ZNF185: variants seen among roughly 807,000 people sequenced by gnomAD.
ZNF185 encodes the protein zinc finger protein 185 with LIM domain, also known as zinc finger protein 185.
A neutral mutation model predicts 58.6 loss-of-function variants in ZNF185; 56 were observed. That is an observed-to-expected ratio of 0.95 (90% CI 0.77 to 1.19). ZNF185 has a LOEUF of 1.19. ZNF185 is among the 50% of genes most tolerant of loss of function. ZNF185 has a pLI of 0.00. For synonymous variants in ZNF185, 230 were observed against 215.9 expected (o/e 1.07, Z -0.57); for missense variants, 627 against 573.5 (o/e 1.09, Z -0.95).
intron 6 of ZNF185, 34 bp downstream of exon 7, chrX:152,918,188 C>G: frequency 8.6e-7 from 1 of 1,167,910 alleles, no homozygotes; most frequent in Non-Finnish European, 1.1e-6. Flanking sequence ...GCGTGGTTCC[C>G]TCCTCCAAGG....
upstream of ZNF185, chrX:152,914,441 C>T (rs1426865990): frequency 9.9e-6 from 11 of 1,116,266 alleles, no homozygotes; most frequent in Non-Finnish European, 1.3e-5. Context: ...ACCTTTATCC[C>T]CAGAAGCCCT....
At chrX:152,966,047 G>C in intron 19 of ZNF185, among the ~76,000 whole-genome samples, 1 of 109,205 alleles carries the variant, frequency 9.2e-6, no homozygotes, top group Non-Finnish European at 1.9e-5. Flanking sequence ...TTGCTCTGTT[G>C]CCCAGGCTGG....
chrX:152,959,110 A>G (rs1415461614), intron 16 of ZNF185, among the ~76,000 whole-genome samples: 1 of 112,723 alleles, frequency 8.9e-6, no homozygotes, highest in African/African-American at 3.2e-5. Context: ...GGTTCTCATA[A>G]TGGCCCCGCC....
intron 14 of ZNF185, 118 bp from the exon 16 acceptor site, chrX:152,936,300 A>G: frequency 1.8e-6 from 1 of 566,534 alleles, no homozygotes; most frequent in Non-Finnish European, 2.8e-6. Flanking sequence ...TCAAGCATCC[A>G]TTTGAGCAGC....
chrX:152,947,474 G>A (rs184235749), intron 16 of ZNF185, among the ~76,000 whole-genome samples: 4 of 112,311 alleles, frequency 3.6e-5, no homozygotes, highest in Non-Finnish European at 7.5e-5. Context: ...AATTGGATGG[G>A]TGGTGACAGG....
chrX:152,898,553 G>T, the ZNF185 span, among the ~76,000 whole-genome samples: 1 of 112,378 alleles, frequency 8.9e-6, no homozygotes, highest in Non-Finnish European at 1.9e-5. Flanking sequence ...GGGCCAGGAT[G>T]CTCTGAGAGT....
intron 17 of ZNF185, among the ~76,000 whole-genome samples, chrX:152,963,207 T>C (rs782751323): frequency 8.8e-6 from 1 of 113,080 alleles, no homozygotes; most frequent in Non-Finnish European, 1.9e-5. Flanking sequence ...AGAGCCGATA[T>C]TGGCTTGGCC....
At chrX:152,958,530 C>T (rs1489445282) in intron 16 of ZNF185, among the ~76,000 whole-genome samples, 2 of 110,551 alleles carry the variant, frequency 1.8e-5, no homozygotes, top group Non-Finnish European at 3.8e-5. Flanking sequence ...CCGAGGCGGG[C>T]GGATTGCCTG....
intron 14 of ZNF185, 28 bp from the exon 17 acceptor site, chrX:152,938,046 C>G (rs1358161507): frequency 1.1e-5 from 13 of 1,161,002 alleles, no homozygotes; most frequent in Non-Finnish European, 1.5e-5. Context: ...GGTCTGAGAT[C>G]TCAGCAGGCC....
chrX:152,960,282 T>A (rs1383417636), intron 17 of ZNF185, among the ~76,000 whole-genome samples: 4 of 112,343 alleles, frequency 3.6e-5, no homozygotes, highest in African/African-American at 1.3e-4. Flanking sequence ...AAATAACAAC[T>A]GTACCAGTTG....
At chrX:152,925,995 T>G (rs1038745167) in intron 11 of ZNF185, among the ~76,000 whole-genome samples, 2 of 112,243 alleles carry the variant, frequency 1.8e-5, no homozygotes, top group African/African-American at 6.5e-5. Flanking sequence ...GTTCTACACA[T>G]GCACCCCTTC....
chrX:152,969,423 G>T (rs376885854), exon 21 of ZNF185: 1 of 1,207,470 alleles, frequency 8.3e-7, no homozygotes, highest in Admixed American at 2.2e-5. Context: ...CGTGAGATCC[G>T]AGACTGTCCA....
upstream of ZNF185, among the ~76,000 whole-genome samples, chrX:152,910,771 C>A (rs1937063550): frequency 8.9e-6 from 1 of 112,092 alleles, no homozygotes; most frequent in Non-Finnish European, 1.9e-5. Flanking sequence ...CATACAGAAA[C>A]TCATTCTGTC....
intron 15 of ZNF185, chrX:152,941,791 T>C: frequency 1.7e-6 from 2 of 1,163,618 alleles, no homozygotes; most frequent in Non-Finnish European, 2.3e-6. Context: ...CGCCCGAGGA[T>C]CACGAATGGG....
At position 152,936,546 on chromosome X, in the gene ZNF185, C is replaced by G. The variant is rs1335983349; in HGVS notation, c.1122-1528C>G. 9.8e-6 allele frequency: 11 copies of G among 1,125,766 alleles called. No homozygotes were observed. The Admixed American group carries it at 1.6e-4, about 16-fold the overall frequency. 92.8% of individuals were successfully genotyped at this position (1,125,766 alleles called of 1,213,427 possible). A position where few individuals can be genotyped will look rare whatever the true frequency, so the allele number is the denominator to read the frequency against. On this transcript the variant is annotated intron_variant, in intron 14 of 22. Transcript: ENST00000449285. ...TAGGGCCACTGCCCTAGTGCCCTAT[C>G]CCATTGCCAGACACAGCCTTTGGGG...
chrX:152,950,331 A>G (rs1373451697), intron 16 of ZNF185, among the ~76,000 whole-genome samples: 3 of 112,051 alleles, frequency 2.7e-5, no homozygotes, highest in Non-Finnish European at 5.6e-5. Context: ...GGTCCTAAAC[A>G]TCTGTATATT....
the ZNF185 span, among the ~76,000 whole-genome samples, chrX:152,906,893 C>T: frequency 5.4e-5 from 6 of 110,823 alleles, no homozygotes; most frequent in African/African-American, 1.6e-4. Context: ...CCATGAGCAG[C>T]GATATTCAGT....
intron 3 of ZNF185, among the ~76,000 whole-genome samples, chrX:152,916,803 G>C (rs1294116888): frequency 8.9e-6 from 1 of 112,888 alleles, no homozygotes; most frequent in Non-Finnish European, 1.9e-5. Flanking sequence ...TGTCAGCTGA[G>C]AGCAGTGCTC....
chrX:152,946,392 G>T (rs1556895218), intron 16 of ZNF185, among the ~76,000 whole-genome samples: 1 of 107,923 alleles, frequency 9.3e-6, no homozygotes, highest in Non-Finnish European at 1.9e-5. Flanking sequence ...GTTATTTTTA[G>T]GGCCTAGCTC....
Sources: allele counts gnomAD v4.1 joint callset (sites outside exome capture counted in the v4.1 genomes callset), GRCh38; gene constraint gnomAD v4.1.1; transcripts MANE v1.5; gene names NCBI Gene and HGNC (gene_info 2026-07-23, HGNC 2026-07-21).